The following SPSB4 variants were observed in gnomAD, a reference collection of about 807,000 sequenced individuals.
SPSB4 encodes the protein splA/ryanodine receptor domain and SOCS box containing 4, also known as SPRY domain-containing SOCS box protein 4.
SPSB4 carries 21 observed loss-of-function variants against 20.9 expected under a neutral mutation model. The ratio of observed to expected loss-of-function variants is 1.01; its 90% confidence interval spans 0.71 to 1.45. The LOEUF is 1.45. Ranked by LOEUF, SPSB4 falls within the 40% of genes most tolerant of loss-of-function variation. The pLI is 0.00. For synonymous variants in SPSB4, 207 were observed against 183.8 expected, an observed-to-expected ratio of 1.13 and a Z score of -1.02; for missense variants, 399 against 399.2, an observed-to-expected ratio of 1.00 and a Z score of 0.00.
rs575123326 is a variant in SPSB4, at chr3:141,096,613, CTG to C, written c.694+29817_694+29818del. 1.3e-3 allele frequency among the ~76,000 whole-genome samples: 193 copies of C among 152,296 alleles called. 1 individual carries two copies. Among genetic ancestry groups the C allele is most frequent in the African/African-American group, 4.4e-3 (183 of 41,560 alleles). ...GGTTTCTAATTCCATACTCTTTGTG[CTG>C]TCTCTCTTTTTCCAGCATGTGCTGC... On this transcript the variant is annotated intron_variant, in intron 2 of 2. Transcript: ENST00000310546.
At position 141,070,343 on chromosome 3, in the gene SPSB4, G is replaced by GT. The variant is rs199800107; in HGVS notation, c.694+3549dup. Among the ~76,000 whole-genome samples the GT allele has an allele frequency of 9.0e-3, 1,361 of 152,054 alleles. 23 individuals are homozygous for GT. Among genetic ancestry groups the GT allele is most frequent in the African/African-American group, 0.031 (1,281 of 41,444 alleles). ...GTTGTTGTTTTTTGTTTGTTCATTT[G>GT]TTTTCTAGAGACAGAATCTCACCCT... On this transcript the variant is annotated intron_variant, in intron 2 of 2. Transcript: ENST00000310546.
chr3:141,107,129 C>T (rs149553915), intron 2 of SPSB4, among the ~76,000 whole-genome samples: 126 of 152,308 alleles, frequency 8.3e-4, no homozygotes, highest in African/African-American at 2.8e-3. Context: ...AGAGGCTCCA[C>T]GCCTGGGGTT....
At chr3:141,126,568 C>T (rs1027308516) in intron 2 of SPSB4, among the ~76,000 whole-genome samples, 4 of 152,214 alleles carry the variant, frequency 2.6e-5, no homozygotes, top group African/African-American at 9.6e-5. Context: ...ACCATCTGCC[C>T]ATTGTATCAA....
chr3:141,112,898 A>G (rs1157572173), intron 2 of SPSB4, among the ~76,000 whole-genome samples: 1 of 152,112 alleles, frequency 6.6e-6, no homozygotes, highest in Non-Finnish European at 1.5e-5. Flanking sequence ...GGGTTCTGAC[A>G]GGGGCCTCTG....
chr3:141,075,506 C>G (rs1938088375), intron 2 of SPSB4, among the ~76,000 whole-genome samples: 1 of 152,104 alleles, frequency 6.6e-6, no homozygotes, highest in African/African-American at 2.4e-5. Context: ...TGGCACTTAC[C>G]CCGTAGAGTT....
chr3:141,080,795 G>A (rs893039367), intron 2 of SPSB4, among the ~76,000 whole-genome samples: 1 of 152,226 alleles, frequency 6.6e-6, no homozygotes, highest in African/African-American at 2.4e-5. Context: ...TGCCACAGTG[G>A]ACTGTTCAGA....
chr3:141,097,644 G>C (rs1398230195), intron 2 of SPSB4, among the ~76,000 whole-genome samples: 1 of 152,038 alleles, frequency 6.6e-6, no homozygotes, highest in African/African-American at 2.4e-5. Context: ...TCACAGAGGA[G>C]AGAGACTGGC....
chr3:141,113,762 C>T (rs1938841368), intron 2 of SPSB4, among the ~76,000 whole-genome samples: 1 of 152,172 alleles, frequency 6.6e-6, no homozygotes, highest in Admixed American at 6.5e-5. Context: ...TTGAATAACA[C>T]TGTGAATGTA....
At chr3:141,070,630 C>T (rs1937984899) in intron 2 of SPSB4, among the ~76,000 whole-genome samples, 1 of 152,220 alleles carries the variant, frequency 6.6e-6, no homozygotes, top group African/African-American at 2.4e-5. Flanking sequence ...CCTTCCACCT[C>T]TGCCTCCCAA....
intron 2 of SPSB4, among the ~76,000 whole-genome samples, chr3:141,136,267 A>C (rs1939226444): frequency 6.6e-6 from 1 of 151,916 alleles, no homozygotes; most frequent in African/African-American, 2.4e-5. Context: ...AGGTTCCAAA[A>C]ATTTTCTCCC....
rs146508558 is a variant in SPSB4, at chr3:141,093,184, G to A, written c.694+26386G>A. 7.7e-3 allele frequency among the ~76,000 whole-genome samples: 1,166 copies of A among 152,182 alleles called. 14 individuals are homozygous for A. The highest frequency in any genetic ancestry group is 0.027 in the African/African-American group (1,105 of 41,524). On this transcript the variant is annotated intron_variant, in intron 2 of 2. Coordinates refer to ENST00000310546, the MANE Select transcript of SPSB4 (RefSeq NM_080862.3). ...ATTTGCAGAGGGAGTGCAGGGAGAC[G>A]AAATGGTTCTCTTTCATAAGAGAGT...
At chr3:141,105,983 G>C (rs956318721) in intron 2 of SPSB4, among the ~76,000 whole-genome samples, 6 of 152,200 alleles carry the variant, frequency 3.9e-5, no homozygotes, top group African/African-American at 1.4e-4. Context: ...TACAGATTTT[G>C]CATAACGGGA....
chr3:141,053,214 C>A (rs898992850), intron 1 of SPSB4, among the ~76,000 whole-genome samples: 18 of 150,144 alleles, frequency 1.2e-4, no homozygotes, highest in Non-Finnish European at 1.8e-4. Context: ...CCTTTCTGGC[C>A]CCCTGCCCCC....
intron 2 of SPSB4, among the ~76,000 whole-genome samples, chr3:141,090,177 T>C (rs1418243828): frequency 2.0e-5 from 3 of 152,220 alleles, no homozygotes; most frequent in Non-Finnish European, 4.4e-5. Flanking sequence ...TCTACCACCA[T>C]GTGTCCATGA....
intron 2 of SPSB4, among the ~76,000 whole-genome samples, chr3:141,102,933 T>G (rs1399700161): frequency 6.6e-6 from 1 of 152,144 alleles, no homozygotes; most frequent in Non-Finnish European, 1.5e-5. Flanking sequence ...TACCTCACAC[T>G]TGGACTCCAG....
intron 2 of SPSB4, among the ~76,000 whole-genome samples, chr3:141,104,640 G>A (rs1341511059): frequency 6.6e-6 from 1 of 152,232 alleles, no homozygotes; most frequent in Admixed American, 6.5e-5. Context: ...GCAGGCAGTG[G>A]TGTCTGCAGA....
At chr3:141,083,803 TTATA>T in intron 2 of SPSB4, among the ~76,000 whole-genome samples, 1 of 152,056 alleles carries the variant, frequency 6.6e-6, no homozygotes, top group Admixed American at 6.6e-5. Flanking sequence ...TGTGGGGTCT[TTATA>T]AGGCATGGCC....
chr3:141,112,945 A>G (rs1472816224), intron 2 of SPSB4, among the ~76,000 whole-genome samples: 1 of 152,174 alleles, frequency 6.6e-6, no homozygotes, highest in Non-Finnish European at 1.5e-5. Flanking sequence ...GGGCAAATGA[A>G]TTGTTTGACC....
rs549508659 is a variant in SPSB4, at chr3:141,138,371, T to C, written c.695-8771T>C. 2.6e-5 allele frequency among the ~76,000 whole-genome samples: 4 copies of C among 152,356 alleles called. No individual in the cohort carries two copies. The East Asian group carries it at 5.8e-4, about 22-fold the overall frequency. On this transcript the variant is annotated intron_variant, in intron 2 of 2. Transcript: ENST00000310546. ...CTGATCTTAGTTATTTCTTGCCTTC[T>C]GCTAGCTTTTGAATGTGTTTGCTCT... is the stretch of plus-strand genomic sequence containing the variant.
Sources: allele counts gnomAD v4.1 joint callset (sites outside exome capture counted in the v4.1 genomes callset), GRCh38; gene constraint gnomAD v4.1.1; transcripts MANE v1.5; gene names NCBI Gene and HGNC (gene_info 2026-07-23, HGNC 2026-07-21).